The following ATXN1 variants were observed in gnomAD, a reference collection of about 807,000 sequenced individuals.
ATXN1 encodes the protein ataxin 1, also known as ataxin-1.
ATXN1 carries 8 observed loss-of-function variants against 56.4 expected under a neutral mutation model. The observed-to-expected ratio is 0.14, with a 90% CI of 0.08 to 0.26. The LOEUF (loss-of-function observed/expected upper bound fraction) is 0.26, where lower values mean the gene tolerates loss of function less well. Among genes scored for constraint, ATXN1 ranks in the 10% least tolerant of loss-of-function variants. ATXN1 has a pLI of 1.00. For missense variants in ATXN1, 987 were observed against 1,106.5 expected (o/e 0.89, Z 1.53); for synonymous variants, 514 against 494.6 (o/e 1.04, Z -0.52).
At chr6:16,347,006 G>A (rs1241189060) in intron 6 of ATXN1, among the ~76,000 whole-genome samples, 1 of 152,254 alleles carries the variant, frequency 6.6e-6, no homozygotes, top group Non-Finnish European at 1.5e-5. Flanking sequence ...CCCTAGGGCA[G>A]TGAGGGGCTT....
Position 16,347,088 on chromosome 6 carries a change from G to C in ATXN1, c.-160-18618C>G, listed in dbSNP as rs531169236. On this transcript the variant is annotated intron_variant, in intron 6 of 7. Transcript: ENST00000436367. Reference sequence around the variant, plus strand: ...AGCTGCCTTCTGGCGGGCAGGGCTCGGGACCTGCAGCCCGCCATGCCTGAA... The same window carrying C: ...AGCTGCCTTCTGGCGGGCAGGGCTCCGGACCTGCAGCCCGCCATGCCTGAA... Among the ~76,000 whole-genome samples the C allele has an allele frequency of 3.7e-4, 56 of 152,344 alleles. No homozygotes were observed. The South Asian group carries it at 0.011, about 31-fold the overall frequency.
intron 3 of ATXN1, among the ~76,000 whole-genome samples, chr6:16,617,212 TA>T (rs1341870347): frequency 6.6e-6 from 1 of 152,062 alleles, no homozygotes; most frequent in Non-Finnish European, 1.5e-5. Context: ...TCAGATTCTA[TA>T]AAAACAGAAA....
At chr6:16,329,529 C>A (rs953426212) in intron 6 of ATXN1, among the ~76,000 whole-genome samples, 1 of 152,142 alleles carries the variant, frequency 6.6e-6, no homozygotes, top group East Asian at 1.9e-4. Context: ...CTGTTAAAAA[C>A]CGAATTTGAT....
chr6:16,491,685 C>T (rs1760668556), intron 5 of ATXN1, among the ~76,000 whole-genome samples: 1 of 152,188 alleles, frequency 6.6e-6, no homozygotes, highest in Non-Finnish European at 1.5e-5. Flanking sequence ...ACACACACCT[C>T]TTCCCAGTTA....
chr6:16,609,343 CT>C (rs1405302561), intron 3 of ATXN1, among the ~76,000 whole-genome samples: 1 of 152,220 alleles, frequency 6.6e-6, no homozygotes, highest in East Asian at 1.9e-4. Flanking sequence ...AGATGTCTCT[CT>C]ACATAGCAGG....
intron 2 of ATXN1, among the ~76,000 whole-genome samples, chr6:16,706,629 G>A (rs1759412210): frequency 6.6e-6 from 1 of 151,848 alleles, no homozygotes; most frequent in South Asian, 2.1e-4. Context: ...GGAGACTGAG[G>A]CAGGAGAATT....
chr6:16,686,958 A>G (rs1259290723), intron 2 of ATXN1, among the ~76,000 whole-genome samples: 1 of 152,164 alleles, frequency 6.6e-6, no homozygotes, highest in Admixed American at 6.5e-5. Context: ...AATTCCATCT[A>G]GTGTTTACAA....
At chr6:16,618,437 CAAAAG>C (rs988782736) in intron 3 of ATXN1, among the ~76,000 whole-genome samples, 1 of 152,114 alleles carries the variant, frequency 6.6e-6, no homozygotes, top group African/African-American at 2.4e-5. Flanking sequence ...ACAAACAAAA[CAAAAG>C]AATTCAGGCA....
At chr6:16,394,221 A>G (rs946324843) in intron 6 of ATXN1, among the ~76,000 whole-genome samples, 1 of 152,124 alleles carries the variant, frequency 6.6e-6, no homozygotes, top group African/African-American at 2.4e-5. Flanking sequence ...GTGATTATGG[A>G]AGGAAGTACA....
intron 6 of ATXN1, among the ~76,000 whole-genome samples, chr6:16,377,390 G>C (rs565634026): frequency 6.6e-6 from 1 of 152,170 alleles, no homozygotes; most frequent in Non-Finnish European, 1.5e-5. Flanking sequence ...CAGCTGATAT[G>C]AGCCTGCTTT....
chr6:16,552,234 C>T (rs1344573488), intron 4 of ATXN1, among the ~76,000 whole-genome samples: 5 of 152,154 alleles, frequency 3.3e-5, no homozygotes, highest in Admixed American at 3.3e-4. Context: ...CATTCTATGC[C>T]ACTGTACCCC....
In ATXN1 at chr6:16,306,573, G is replaced by A. The variant is rs756319043; in HGVS notation, c.2204C>T (p.Ala735Val). 1 of 1,614,186 alleles carries A rather than the reference G, an allele frequency of 6.2e-7. No individual in the cohort carries two copies. Among genetic ancestry groups the A allele is most frequent in the Non-Finnish European group, 8.5e-7 (1 of 1,180,038 alleles). Residue 735 changes from alanine (A) to valine (V), a missense_variant, in exon 8 of 8, where the codon GCC becomes GTC. Transcript: ENST00000436367. This position sits in a 1 kb window ranked among gnomAD's most constrained non-coding sequence, Gnocchi z 5.2. ...TTCGCCATTCTCAGAGAGCATCTGGGCACTCCCCTGGTTGATTCCGTTTTC... is the reference window on the plus strand; with the variant it reads ...TTCGCCATTCTCAGAGAGCATCTGGACACTCCCCTGGTTGATTCCGTTTTC... Reference protein sequence around the residue: ...EQENGINQGSAQMLSENGELK... With the variant: ...EQENGINQGSVQMLSENGELK...
intron 6 of ATXN1, among the ~76,000 whole-genome samples, chr6:16,397,491 T>C (rs1276011394): frequency 2.0e-5 from 3 of 152,208 alleles, no homozygotes; most frequent in East Asian, 3.8e-4. Flanking sequence ...CTCAAACTCC[T>C]GACCTCAGGT....
chr6:16,574,127 A>G (rs1489552539), intron 4 of ATXN1, among the ~76,000 whole-genome samples: 1 of 152,214 alleles, frequency 6.6e-6, no homozygotes, highest in Non-Finnish European at 1.5e-5. Flanking sequence ...TCCAGGTTCA[A>G]GCAATTCTCT....
At chr6:16,570,011 C>T (rs879894593) in intron 4 of ATXN1, among the ~76,000 whole-genome samples, 2 of 152,176 alleles carry the variant, frequency 1.3e-5, no homozygotes, top group Non-Finnish European at 2.9e-5. Flanking sequence ...CTGCAGAACA[C>T]CCCAAGTTAT....
At chr6:16,395,527 A>C (rs532124075) in intron 6 of ATXN1, among the ~76,000 whole-genome samples, 2 of 152,176 alleles carry the variant, frequency 1.3e-5, no homozygotes, top group Non-Finnish European at 2.9e-5. Context: ...ATAGTGTAAT[A>C]CATTACTCAT....
chr6:16,350,726 T>C (rs1235409716), intron 6 of ATXN1, among the ~76,000 whole-genome samples: 1 of 152,138 alleles, frequency 6.6e-6, no homozygotes, highest in Non-Finnish European at 1.5e-5. Context: ...TCCCTATTTG[T>C]GGGGAGGGAA....
chr6:16,720,253 A>C (rs1291408976), intron 2 of ATXN1, among the ~76,000 whole-genome samples: 1 of 152,162 alleles, frequency 6.6e-6, no homozygotes. Context: ...ACCAAACAAA[A>C]GAATCCCCTT....
chr6:16,439,381 G>GGA (rs1759464928), intron 6 of ATXN1, among the ~76,000 whole-genome samples: 4 of 12,772 alleles, frequency 3.1e-4, no homozygotes, highest in Non-Finnish European at 3.2e-4. Flanking sequence ...GGCGGGGCGG[G>GGA]AATAAGGGTT....
Sources: allele counts gnomAD v4.1 joint callset (sites outside exome capture counted in the v4.1 genomes callset), GRCh38; gene constraint gnomAD v4.1.1; non-coding constraint Gnocchi (gnomAD v3.1); transcripts MANE v1.5; gene names NCBI Gene and HGNC (gene_info 2026-07-23, HGNC 2026-07-21).